INVS: variants seen among roughly 807,000 people sequenced by gnomAD.
INVS encodes inversion of embryo turning homolog.
Under a neutral mutation model 108.8 loss-of-function variants are expected in INVS, and 86 were observed. That is an observed-to-expected ratio of 0.79 (90% CI 0.66 to 0.95). The LOEUF (loss-of-function observed/expected upper bound fraction) is 0.95. Ranked by LOEUF, INVS falls within the 40% of genes least tolerant of loss-of-function variation. INVS has a pLI of 0.00. For missense variants in INVS, 1,169 were observed against 1,297.4 expected, an observed-to-expected ratio of 0.90 and a Z score of 1.52; for synonymous variants, 455 against 473.5, an observed-to-expected ratio of 0.96 and a Z score of 0.51.
chr9:100,188,640 T>A (rs1830126105), intron 3 of INVS, among the ~76,000 whole-genome samples: 1 of 151,160 alleles, frequency 6.6e-6, no homozygotes, highest in Non-Finnish European at 1.5e-5. Flanking sequence ...TCTTTCTTTT[T>A]TTTTTTTTTT....
At chr9:100,271,148 C>CA (rs1315874606) in intron 11 of INVS, among the ~76,000 whole-genome samples, 2 of 152,164 alleles carry the variant, frequency 1.3e-5, no homozygotes, top group African/African-American at 4.8e-5. Flanking sequence ...TTTCCTCCCC[C>CA]AGAGGCATCA....
intron 5 of INVS, 106 bp downstream of exon 5, chr9:100,229,933 G>T (rs915926157): frequency 7.5e-6 from 8 of 1,072,786 alleles, no homozygotes; most frequent in Non-Finnish European, 1.1e-5. Context: ...AAATTATTAA[G>T]CAAAAGAATA....
intron 3 of INVS, among the ~76,000 whole-genome samples, chr9:100,167,549 T>G (rs1019928011): frequency 2.0e-5 from 3 of 152,214 alleles, no homozygotes; most frequent in Non-Finnish European, 4.4e-5. Flanking sequence ...CAATCCTATC[T>G]AATACCCACC....
Position 100,252,933 on chromosome 9 carries a change from C to A in INVS, c.1261C>A (p.Gln421Lys). Residue 421 changes from glutamine (Q) to lysine (K), a missense_variant, in exon 10 of 17, where the codon CAA becomes AAA. Transcript: ENST00000262457. Reference protein sequence around the residue: ...KGGARVDLVDQDGHSLLHWAA... With the variant: ...KGGARVDLVDKDGHSLLHWAA... ...TGGAGCAAGGGTAGATCTAGTTGAC[C>A]AAGATGGACATTCTCTTCTACATTG... is the stretch of plus-strand genomic sequence containing the variant. 1 of 1,613,494 alleles carries A rather than the reference C, an allele frequency of 6.2e-7. No individual in the cohort carries two copies. The highest frequency in any genetic ancestry group is 8.5e-7 in the Non-Finnish European group (1 of 1,179,706).
chr9:100,230,796 C>T (rs367635971), intron 5 of INVS, among the ~76,000 whole-genome samples: 1 of 152,188 alleles, frequency 6.6e-6, no homozygotes, highest in Non-Finnish European at 1.5e-5. Context: ...GGATTACAGG[C>T]GTGAGCCAAC....
intron 3 of INVS, among the ~76,000 whole-genome samples, chr9:100,152,739 T>A (rs1828846207): frequency 4.6e-5 from 7 of 152,324 alleles, no homozygotes; most frequent in Admixed American, 3.3e-4. Flanking sequence ...AATAGTAAAA[T>A]TAACATTTCA....
intron 11 of INVS, among the ~76,000 whole-genome samples, chr9:100,267,930 C>T (rs1469264050): frequency 6.6e-6 from 1 of 151,826 alleles, no homozygotes; most frequent in African/African-American, 2.4e-5. Flanking sequence ...TAAGGAATTC[C>T]TGTTAATTTT....
intron 3 of INVS, among the ~76,000 whole-genome samples, chr9:100,145,957 G>C (rs1175452626): frequency 2.0e-5 from 3 of 152,220 alleles, no homozygotes; most frequent in African/African-American, 7.2e-5. Flanking sequence ...ATTAAGAAGA[G>C]GCGGCTTACC....
At chr9:100,271,624 C>G (rs1369727404) in intron 11 of INVS, among the ~76,000 whole-genome samples, 2 of 152,204 alleles carry the variant, frequency 1.3e-5, no homozygotes, top group Admixed American at 1.3e-4. Flanking sequence ...TCTCTCTGTC[C>G]TTGCTAGTGC....
chr9:100,101,496 G>A (rs945901681), intron 1 of INVS: 4 of 152,070 alleles, frequency 2.6e-5, no homozygotes, highest in African/African-American at 9.7e-5. Flanking sequence ...AGACATGACT[G>A]AAGTGTCTCA....
intron 4 of INVS, 129 bp from the exon 5 acceptor site, chr9:100,229,531 T>G (rs1831439956): frequency 1.3e-6 from 1 of 771,862 alleles, no homozygotes; most frequent in South Asian, 1.5e-5. Context: ...CCTGAAATCA[T>G]GAAAAGTGAA....
chr9:100,270,242 G>C lies in INVS; in HGVS notation c.1572-2622G>C, dbSNP rs893982601. ...GAACAGTGGTTAATTCTCAGGGTGGGAATATGGATGATAGCTATTTTCCTC... is the reference window on the plus strand; with the variant it reads ...GAACAGTGGTTAATTCTCAGGGTGGCAATATGGATGATAGCTATTTTCCTC... On this transcript the variant is annotated intron_variant, in intron 11 of 16. Coordinates refer to ENST00000262457, the MANE Select transcript of INVS (RefSeq NM_014425.5). Among the ~76,000 whole-genome samples, 2 of 152,088 alleles carry C rather than the reference G, an allele frequency of 1.3e-5. 1 individual carries two copies. The highest frequency in any genetic ancestry group is 4.1e-4 in the South Asian group (2 of 4,822).
intron 5 of INVS, among the ~76,000 whole-genome samples, chr9:100,234,577 T>G (rs558534991): frequency 4.3e-4 from 65 of 152,220 alleles, no homozygotes; most frequent in Non-Finnish European, 6.8e-4. Context: ...TTTGTTCTCA[T>G]TGGTTTCAAA....
rs1474872734 is a variant in INVS, at chr9:100,229,786, C to T, written c.574C>T (p.His192Tyr). ...GKIPLHWAAN[H>Y]KDPSAVHTVR... ...GATCCCACTTCACTGGGCAGCCAAC[C>T]ATAAAGATCCAAGTGCTGTTCACAC... Residue 192 changes from histidine to tyrosine, a missense_variant, in exon 5 of 17, where the codon CAT becomes TAT. This residue lies in a region of INVS where 365 missense variants were observed against 397.5 expected (regional missense o/e 0.92). Coordinates refer to ENST00000262457, the MANE Select transcript of INVS (RefSeq NM_014425.5). 1 of 1,614,120 alleles carries T rather than the reference C, an allele frequency of 6.2e-7. No homozygotes were observed.
chr9:100,290,900 GA>G (rs1833592174), intron 13 of INVS, among the ~76,000 whole-genome samples: 1 of 151,952 alleles, frequency 6.6e-6, no homozygotes, highest in Non-Finnish European at 1.5e-5. Context: ...TTTATTTTTA[GA>G]AATGGGGTCT....
intron 10 of INVS, among the ~76,000 whole-genome samples, chr9:100,255,280 G>C (rs1402301222): frequency 6.6e-6 from 1 of 152,192 alleles, no homozygotes; most frequent in Non-Finnish European, 1.5e-5. Flanking sequence ...CTGAGACTTT[G>C]CTGAAGTTGC....
chr9:100,202,218 A>G (rs557561420), intron 3 of INVS, among the ~76,000 whole-genome samples: 2 of 152,194 alleles, frequency 1.3e-5, no homozygotes, highest in South Asian at 2.1e-4. Flanking sequence ...GAGTCCTTCC[A>G]CTTACTTTAT....
At chr9:100,191,444 T>G (rs952541172) in intron 3 of INVS, among the ~76,000 whole-genome samples, 1 of 152,188 alleles carries the variant, frequency 6.6e-6, no homozygotes, top group African/African-American at 2.4e-5. Flanking sequence ...GCTCTGAAAT[T>G]TTTCTTCTAC....
chr9:100,118,775 C>G (rs545446633), intron 2 of INVS, among the ~76,000 whole-genome samples: 1 of 152,066 alleles, frequency 6.6e-6, no homozygotes, highest in Non-Finnish European at 1.5e-5. Context: ...ATTCTCCTGC[C>G]TCAGTCTCCT....
Sources: gnomAD v4.1 joint callset for allele counts (sites outside exome capture counted in the v4.1 genomes callset) on GRCh38, gnomAD v4.1.1 for gene constraint, gnomAD v4.1.1 regional missense constraint, MANE v1.5 for transcripts, NCBI Gene and HGNC (gene_info 2026-07-23, HGNC 2026-07-21) for gene names.